EFR3B: variants seen among roughly 807,000 people sequenced by gnomAD.
EFR3B encodes EFR3 homolog B.
A neutral mutation model predicts 104.7 loss-of-function variants in EFR3B; 64 were observed. The ratio of observed to expected loss-of-function variants is 0.61; its 90% confidence interval spans 0.50 to 0.75. The LOEUF (loss-of-function observed/expected upper bound fraction) is 0.75, where lower values mean the gene tolerates loss of function less well. Ranked by LOEUF, EFR3B falls within the 30% of genes least tolerant of loss-of-function variation. EFR3B has a pLI of 0.00. For missense variants in EFR3B, 750 were observed against 1,078.5 expected, an observed-to-expected ratio of 0.70 and a Z score of 4.27; for synonymous variants, 385 against 417.9, an observed-to-expected ratio of 0.92 and a Z score of 0.96.
rs76587690 is a variant in EFR3B, at chr2:25,093,820, G to A, written c.212+690G>A. The stretch of plus-strand genomic sequence containing the variant: ...CAAAGGAGGAGTCATCTACATTCTA[G>A]TAAGAAGACAGAGTTAAGGGCAATT... On this transcript the variant is annotated intron_variant, in intron 3 of 22. Transcript: ENST00000403714. 0.018 allele frequency among the ~76,000 whole-genome samples: 2,788 copies of A among 152,218 alleles called. 242 individuals carry two copies. In the East Asian group the frequency reaches 0.27, roughly 15 times the overall value.
chr2:25,071,213 G>A (rs1173743247), intron 1 of EFR3B, among the ~76,000 whole-genome samples: 4 of 150,584 alleles, frequency 2.7e-5, no homozygotes, highest in African/African-American at 9.8e-5. Context: ...GCCTGCCTTG[G>A]CCTCCCAAAG....
chr2:25,091,504 G>T, intron 2 of EFR3B, 103 bp downstream of exon 2: 1 of 1,020,512 alleles, frequency 9.8e-7, no homozygotes, highest in Non-Finnish European at 1.4e-6. Context: ...GGGAAGGCAG[G>T]GCCTCTCAGG....
At chr2:25,093,744 C>T (rs2149186114) in intron 3 of EFR3B, among the ~76,000 whole-genome samples, 1 of 152,200 alleles carries the variant, frequency 6.6e-6, no homozygotes, top group Non-Finnish European at 1.5e-5. Flanking sequence ...TTGATTGCAC[C>T]ACCATCCTCA....
chr2:25,081,314 A>C, intron 1 of EFR3B: 1 of 914,638 alleles, frequency 1.1e-6, no homozygotes. Flanking sequence ...CCTTCATCTC[A>C]ACTTCTTTTG....
rs781011495 is a variant in EFR3B, at chr2:25,136,501, G to T, written c.1485-22G>T. 30 of 1,544,134 alleles carry T rather than the reference G, an allele frequency of 1.9e-5. No individual in the cohort carries two copies. The highest frequency in any genetic ancestry group is 2.4e-5 in the Non-Finnish European group (27 of 1,140,488). On this transcript the variant is annotated intron_variant, in intron 13 of 22. Coordinates refer to ENST00000403714, the MANE Select transcript of EFR3B (RefSeq NM_014971.2). The surrounding 1 kb of genome is among the most constrained non-coding windows in gnomAD (Gnocchi z 4.0). ...GCTGGCCTCATGCAAGGGCTAAGGA[G>T]GCCCTTTGCATCCCTTCCCAGTACC...
intron 1 of EFR3B, among the ~76,000 whole-genome samples, chr2:25,083,568 G>T (rs1361709277): frequency 1.3e-5 from 2 of 152,116 alleles, no homozygotes; most frequent in Non-Finnish European, 2.9e-5. Flanking sequence ...AGGGGTGCTT[G>T]TGGGTTCCCA....
intron 1 of EFR3B, among the ~76,000 whole-genome samples, chr2:25,090,314 C>G (rs1225496880): frequency 6.6e-6 from 1 of 152,232 alleles, no homozygotes. Flanking sequence ...AGGGGTGAAG[C>G]TGGGTGGATT....
intron 1 of EFR3B, among the ~76,000 whole-genome samples, chr2:25,084,502 G>T (rs777704465): frequency 5.3e-5 from 8 of 152,170 alleles, no homozygotes; most frequent in Non-Finnish European, 1.5e-5. Flanking sequence ...ACCTCCCAAA[G>T]TGTTGGGATT....
intron 15 of EFR3B, 60 bp from the exon 16 acceptor site, chr2:25,138,999 T>C (rs1344896847): frequency 4.5e-6 from 7 of 1,547,074 alleles, no homozygotes; most frequent in Admixed American, 2.0e-5. Context: ...GGGTGGAGCG[T>C]TGGCACCCAG....
chr2:25,097,441 C>T (rs1669310445), intron 3 of EFR3B, among the ~76,000 whole-genome samples: 1 of 152,160 alleles, frequency 6.6e-6, no homozygotes, highest in African/African-American at 2.4e-5. Context: ...GGCTGTGTCT[C>T]CCTGCCGTGA....
At chr2:25,103,425 AG>A (rs1249733750) in intron 3 of EFR3B, among the ~76,000 whole-genome samples, 7 of 152,220 alleles carry the variant, frequency 4.6e-5, no homozygotes, top group East Asian at 1.9e-4. Flanking sequence ...GTTGGTCTCT[AG>A]GCTTCCTTCC....
chr2:25,120,322 G>A (rs962776968), intron 4 of EFR3B, among the ~76,000 whole-genome samples: 1 of 151,750 alleles, frequency 6.6e-6, no homozygotes, highest in Non-Finnish European at 1.5e-5. Flanking sequence ...TTGCATGCCA[G>A]CCTGGGCAAC....
At chr2:25,075,278 G>T (rs1325208506) in intron 1 of EFR3B, among the ~76,000 whole-genome samples, 1 of 152,158 alleles carries the variant, frequency 6.6e-6, no homozygotes, top group Non-Finnish European at 1.5e-5. Context: ...CTCACTTCCT[G>T]TGTGATCGTA....
At chr2:25,119,285 G>T (rs573530956) in intron 4 of EFR3B, among the ~76,000 whole-genome samples, 2 of 152,334 alleles carry the variant, frequency 1.3e-5, no homozygotes, top group East Asian at 3.9e-4. Context: ...CTAATGCAGA[G>T]CTAGATCTGC....
chr2:25,126,530 T>C (rs1670173463), intron 5 of EFR3B, among the ~76,000 whole-genome samples: 1 of 152,144 alleles, frequency 6.6e-6, no homozygotes, highest in Non-Finnish European at 1.5e-5. Flanking sequence ...TGGCTAATTT[T>C]TGTATTGTTA....
intron 6 of EFR3B, among the ~76,000 whole-genome samples, chr2:25,129,026 T>C (rs191122823): frequency 1.2e-3 from 164 of 135,792 alleles, no homozygotes; most frequent in African/African-American, 4.2e-3. Flanking sequence ...CTCCGATCAC[T>C]GCGGACTTTC....
chr2:25,128,155 G>A (rs1373802633), intron 5 of EFR3B, 28 bp from the exon 6 acceptor site: 46 of 1,551,256 alleles, frequency 3.0e-5, no homozygotes, highest in Admixed American at 3.9e-5. Flanking sequence ...GAGGACTTCC[G>A]AGTCCCACTT....
chr2:25,056,339 T>C (rs1262806758), intron 1 of EFR3B, among the ~76,000 whole-genome samples: 2 of 152,162 alleles, frequency 1.3e-5, no homozygotes, highest in Non-Finnish European at 2.9e-5. Flanking sequence ...TTTGTGGCAC[T>C]CAGGATAAAT....
chr2:25,092,378 T>G (rs2149185327), intron 2 of EFR3B, among the ~76,000 whole-genome samples: 1 of 150,256 alleles, frequency 6.7e-6, no homozygotes, highest in South Asian at 2.1e-4. Context: ...TGGGTGGCTT[T>G]TAATGATGCT....
Sources: gnomAD v4.1 joint callset for allele counts (sites outside exome capture counted in the v4.1 genomes callset) on GRCh38, gnomAD v4.1.1 for gene constraint, Gnocchi (gnomAD v3.1) non-coding constraint, MANE v1.5 for transcripts, NCBI Gene and HGNC (gene_info 2026-07-23, HGNC 2026-07-21) for gene names.